The following C3orf52 variants were observed in gnomAD, a reference collection of about 807,000 sequenced individuals.
The protein encoded by C3orf52 is chromosome 3 open reading frame 52.
A neutral mutation model predicts 24.8 loss-of-function variants in C3orf52; 22 were observed. That is an observed-to-expected ratio of 0.89 (90% CI 0.63 to 1.27). The LOEUF is 1.27. C3orf52 is among the 50% of genes most tolerant of loss of function. The pLI, the probability that C3orf52 is intolerant of heterozygous loss-of-function variation, is 0.00. For missense variants in C3orf52, 265 were observed against 260.7 expected (o/e 1.02, Z -0.11); for synonymous variants, 93 against 100.2 (o/e 0.93, Z 0.43).
At position 112,128,125 on chromosome 3, in the gene C3orf52, C is replaced by G. The variant is rs563169830; in HGVS notation, c.*47-108C>G. On this transcript the variant is annotated intron_variant, in intron 4 of 4. Transcript: ENST00000480282. ...TTTCTGCAGCTTTGTTAAGGTGACT[C>G]CTTTCCTTTTGCCATTTCTGTGGAA... 1.9e-5 allele frequency: 28 copies of G among 1,473,880 alleles called. No individual in the cohort carries two copies. The African/African-American group carries it at 3.5e-4, about 18-fold the overall frequency. The allele number at this position is 1,473,880 out of a possible 1,614,324, so 91.3% of individuals were successfully genotyped here. A position where few individuals can be genotyped will look rare whatever the true frequency, so the allele number is the denominator to read the frequency against.
downstream of C3orf52, chr3:112,120,840 A>G (rs957374085): frequency 6.6e-6 from 1 of 152,202 alleles, no homozygotes; most frequent in African/African-American, 2.4e-5. Context: ...CATAGTGGGT[A>G]TTTTGGGACA....
chr3:112,109,254 G>A (rs78844684), intron 3 of C3orf52, among the ~76,000 whole-genome samples: 1 of 152,210 alleles, frequency 6.6e-6, no homozygotes, highest in East Asian at 1.9e-4. Flanking sequence ...TGTGAGGCCT[G>A]TGTGGGCTCC....
Position 112,117,048 on chromosome 3 carries a change from C to T in C3orf52, c.*402C>T. On this transcript the variant is annotated 3_prime_UTR_variant, in exon 6 of 6. Coordinates refer to ENST00000264848, the MANE Select transcript of C3orf52 (RefSeq NM_024616.3). Reference sequence around the variant, plus strand: ...GCACTGCTATTCTTGAAGCACTCCACCCACCTGGGCTACTTTTTCTTTAGT... The same window carrying T: ...GCACTGCTATTCTTGAAGCACTCCATCCACCTGGGCTACTTTTTCTTTAGT... 1.2e-6 allele frequency: 1 copy of T among 863,438 alleles called. No homozygotes were observed. Among genetic ancestry groups the T allele is most frequent in the Non-Finnish European group, 1.8e-6 (1 of 570,508 alleles). 53.5% of individuals were successfully genotyped at this position (863,438 alleles called of 1,614,324 possible).
intron 1 of C3orf52, among the ~76,000 whole-genome samples, chr3:112,091,503 A>G (rs1427801023): frequency 6.6e-6 from 1 of 152,188 alleles, no homozygotes; most frequent in African/African-American, 2.4e-5. Flanking sequence ...GGGAGGCCTC[A>G]GACCAGAGGT....
chr3:112,112,875 C>CT, intron 4 of C3orf52, 89 bp from the exon 5 acceptor site: 1 of 1,006,488 alleles, frequency 9.9e-7, no homozygotes, highest in Admixed American at 2.1e-5. Flanking sequence ...ACATGCAAAA[C>CT]TAAAAAAAAA....
At chr3:112,118,820 A>G (rs1255518928), downstream of C3orf52, among the ~76,000 whole-genome samples, 1 of 152,244 alleles carries the variant, frequency 6.6e-6, no homozygotes, top group East Asian at 1.9e-4. Flanking sequence ...TCTGGATGTC[A>G]CTTAGATATG....
In C3orf52 at chr3:112,113,597, T is replaced by C. The variant is rs567649581; in HGVS notation, c.649+452T>C. On this transcript the variant is annotated intron_variant, in intron 5 of 5. Coordinates refer to ENST00000264848, the MANE Select transcript of C3orf52 (RefSeq NM_024616.3). The stretch of plus-strand genomic sequence containing the variant: ...CTCAATATGGGGAACCTATTTCTTT[T>C]TCTGTTGAAGGCCACTGAGACCATT... 5.4e-4 allele frequency among the ~76,000 whole-genome samples: 83 copies of C among 152,326 alleles called. 1 individual carries two copies. Among genetic ancestry groups the C allele is most frequent in the African/African-American group, 1.9e-3 (81 of 41,576 alleles).
downstream of C3orf52, chr3:112,121,850 C>A (rs1429014301): frequency 6.6e-6 from 1 of 152,198 alleles, no homozygotes; most frequent in Non-Finnish European, 1.5e-5. Context: ...AGTTATTTAG[C>A]TTTGGTTAAC....
chr3:112,119,345 A>C (rs1050480127), downstream of C3orf52: 14 of 649,500 alleles, frequency 2.2e-5, no homozygotes, highest in African/African-American at 2.0e-4. Context: ...ATTGCACTCC[A>C]GCCTGGGTGA....
chr3:112,092,808 G>A (rs2107775369), intron 1 of C3orf52, among the ~76,000 whole-genome samples: 1 of 152,250 alleles, frequency 6.6e-6, no homozygotes, highest in East Asian at 1.9e-4. Context: ...CTAGGCCACA[G>A]CAGTAGCCTT....
chr3:112,123,497 A>C (rs140163446), intron 4 of C3orf52: 2 of 1,614,036 alleles, frequency 1.2e-6, no homozygotes, highest in African/African-American at 2.7e-5. Context: ...CCATAAGTGG[A>C]CGTGGCTGTT....
intron 2 of C3orf52, among the ~76,000 whole-genome samples, chr3:112,094,911 A>G (rs1398950309): frequency 6.6e-6 from 1 of 152,244 alleles, no homozygotes; most frequent in Admixed American, 6.5e-5. Flanking sequence ...ACCCAGTCAT[A>G]GAATGAGAAG....
intron 3 of C3orf52, among the ~76,000 whole-genome samples, chr3:112,103,854 G>T (rs543888922): frequency 6.6e-6 from 1 of 152,186 alleles, no homozygotes; most frequent in Non-Finnish European, 1.5e-5. Context: ...CAGAGATAAG[G>T]CTAAAAAGGA....
At chr3:112,126,346 C>T (rs1320015111) in intron 4 of C3orf52, among the ~76,000 whole-genome samples, 5 of 152,150 alleles carry the variant, frequency 3.3e-5, no homozygotes, top group Non-Finnish European at 7.4e-5. Context: ...AACACAATGG[C>T]TTGTCCTCAG....
chr3:112,123,531 T>A lies in C3orf52; in HGVS notation c.*46+3969T>A, dbSNP rs1386512277. 2.5e-6 allele frequency: 4 copies of A among 1,614,050 alleles called. 1 individual carries two copies. Among genetic ancestry groups the A allele is most frequent in the Non-Finnish European group, 3.4e-6 (4 of 1,180,024 alleles). On this transcript the variant is annotated intron_variant, in intron 4 of 4. Coordinates refer to the C3orf52 transcript ENST00000480282. ...TTGCAGAAAGTGAGAGGAGATTCTG[T>A]GAGGCATGAGAAGTTCATATTCATC...
intron 1 of C3orf52, among the ~76,000 whole-genome samples, chr3:112,091,697 A>C (rs1303517665): frequency 6.6e-6 from 1 of 151,132 alleles, no homozygotes; most frequent in Non-Finnish European, 1.5e-5. Context: ...TCTGATGGCC[A>C]GCACCAAAAT....
chr3:112,115,764 C>T (rs2074128506), intron 5 of C3orf52, among the ~76,000 whole-genome samples: 1 of 152,076 alleles, frequency 6.6e-6, no homozygotes, highest in South Asian at 2.1e-4. Flanking sequence ...TGTGTGTTTG[C>T]TTCTCATTCT....
At chr3:112,121,223 TTTC>T (rs1257234008), downstream of C3orf52, 22 of 152,234 alleles carry the variant, frequency 1.4e-4, 2 homozygotes, top group Admixed American at 9.8e-4. Context: ...ACTAAGAATA[TTTC>T]AACCAGTCTA....
Position 112,106,587 on chromosome 3 carries a change from C to T in C3orf52, c.397-2956C>T, listed in dbSNP as rs527490601. On this transcript the variant is annotated intron_variant, in intron 3 of 5. Coordinates refer to ENST00000264848, the MANE Select transcript of C3orf52 (RefSeq NM_024616.3). ...CAAATGTTAGAGTAAAAGATGTACCCGGCGCCCCTGTCACTCAGGAAGTAA... is the reference window on the plus strand; with the variant it reads ...CAAATGTTAGAGTAAAAGATGTACCTGGCGCCCCTGTCACTCAGGAAGTAA... Among the ~76,000 whole-genome samples, 6 of 152,300 alleles carry T rather than the reference C, an allele frequency of 3.9e-5. No homozygotes were observed. In the South Asian group the frequency reaches 8.3e-4, roughly 21 times the overall value.
Sources: gnomAD v4.1 joint callset for allele counts (sites outside exome capture counted in the v4.1 genomes callset) on GRCh38, gnomAD v4.1.1 for gene constraint, MANE v1.5 for transcripts, NCBI Gene and HGNC (gene_info 2026-07-23, HGNC 2026-07-21) for gene names.